ZNF600: variants seen among roughly 807,000 people sequenced by gnomAD.
ZNF600 encodes the protein zinc finger protein 600.
Under a neutral mutation model 7.3 loss-of-function variants are expected in ZNF600, and 4 were observed. That is an observed-to-expected ratio of 0.55 (90% CI 0.27 to 1.25). The LOEUF (loss-of-function observed/expected upper bound fraction) is 1.25, where lower values mean the gene tolerates loss of function less well. Among genes scored for constraint, ZNF600 ranks in the 50% most tolerant of loss-of-function variants. The probability of loss-of-function intolerance (pLI) is 0.12; values close to 1 mark genes in which losing one functional copy is unlikely to be tolerated. For missense variants in ZNF600, 911 were observed against 922.1 expected, an observed-to-expected ratio of 0.99 and a Z score of 0.16; for synonymous variants, 290 against 308.9, an observed-to-expected ratio of 0.94 and a Z score of 0.64.
At chr19:52,810,515 A>G in the ZNF600 span, 1 of 1,592,394 alleles carries the variant, frequency 6.3e-7, no homozygotes, top group Admixed American at 1.7e-5. Flanking sequence ...AAGGCAAATC[A>G]AGGTGATCCC....
At chr19:52,829,183 T>TTTTTATTTTATTTTATTTTA in the ZNF600 span, among the ~76,000 whole-genome samples, 1,086 of 91,686 alleles carry the variant, frequency 0.012, 27 homozygotes, top group East Asian at 0.092. Context: ...TTTTTTTCTT[T>TTTTTATTTTATTTTATTTTA]TTTTATTTTA....
chr19:52,786,780 GCGCC>G (rs1366754528), exon 1 of ZNF600: 2 of 291,008 alleles, frequency 6.9e-6, no homozygotes, highest in Admixed American at 6.4e-5. Context: ...GGGTTTGTGC[GCGCC>G]CAGGACTGAA....
chr19:52,818,215 C>T, the ZNF600 span, among the ~76,000 whole-genome samples: 3,187 of 152,246 alleles, frequency 0.021, 107 homozygotes, highest in African/African-American at 0.07. Context: ...CCCACACACA[C>T]GCTGCAGCAG....
the ZNF600 span, among the ~76,000 whole-genome samples, chr19:52,796,295 A>G: frequency 6.6e-6 from 1 of 152,142 alleles, no homozygotes; most frequent in Non-Finnish European, 1.5e-5. Flanking sequence ...TTGAGGCTGC[A>G]GTTTACTTTC....
Position 52,774,535 on chromosome 19 carries a change from G to C in ZNF600, c.190+40C>G, listed in dbSNP as rs201522201. 1.2e-5 allele frequency: 12 copies of C among 981,578 alleles called. No individual in the cohort carries two copies. In the East Asian group the frequency reaches 1.4e-3, roughly 113 times the overall value. The allele number at this position is 981,578 out of a possible 1,614,324, so 60.8% of individuals were successfully genotyped here. On this transcript the variant is annotated intron_variant, in intron 3 of 3. Coordinates refer to ENST00000648973, the Ensembl canonical transcript of ZNF600. ...AACCAGGAAGGGCCAAGATAGACAAGAGCAGACTCCTCATGTCTGGGGGAC... is the reference window on the plus strand; with the variant it reads ...AACCAGGAAGGGCCAAGATAGACAACAGCAGACTCCTCATGTCTGGGGGAC...
chr19:52,801,487 T>C, the ZNF600 span: 9 of 1,614,018 alleles, frequency 5.6e-6, no homozygotes, highest in Admixed American at 1.7e-5. Flanking sequence ...GTACTACCAG[T>C]CAACTCTTTG....
At chr19:52,783,653 A>C (rs907201060) in intron 1 of ZNF600, among the ~76,000 whole-genome samples, 1 of 151,954 alleles carries the variant, frequency 6.6e-6, no homozygotes, top group South Asian at 2.1e-4. Context: ...GAGCCACTGC[A>C]CCTGGCCTCC....
chr19:52,766,402 T>C (rs1423876233), exon 4 of ZNF600: 6 of 1,614,060 alleles, frequency 3.7e-6, no homozygotes, highest in Non-Finnish European at 5.1e-6. Flanking sequence ...GATCCACAAC[T>C]GAAAACCTTT....
chr19:52,783,360 T>G (rs560794514), intron 1 of ZNF600, among the ~76,000 whole-genome samples: 41 of 152,324 alleles, frequency 2.7e-4, no homozygotes, highest in African/African-American at 8.9e-4. Flanking sequence ...CCATCATTCC[T>G]TTTTTTGTTT....
chr19:52,809,846 T>TGGC, the ZNF600 span: 1 of 491,068 alleles, frequency 2.0e-6, no homozygotes, highest in South Asian at 2.3e-5. Flanking sequence ...GCGGTGGCGG[T>TGGC]GGTGGCAGTA....
intron 3 of ZNF600, among the ~76,000 whole-genome samples, chr19:52,772,255 C>G (rs1475337050): frequency 2.6e-5 from 4 of 151,958 alleles, no homozygotes; most frequent in African/African-American, 4.8e-5. Context: ...TTGCGGTGAG[C>G]TGAGATTGAA....
intron 3 of ZNF600, among the ~76,000 whole-genome samples, chr19:52,772,281 C>T (rs115668579): frequency 0.04 from 6,011 of 151,964 alleles, 369 homozygotes; most frequent in African/African-American, 0.13. Flanking sequence ...GTACTCCAGC[C>T]TGGGCAAGAA....
chr19:52,789,935 G>C (rs1298930089), upstream of ZNF600, among the ~76,000 whole-genome samples: 2 of 152,102 alleles, frequency 1.3e-5, no homozygotes, highest in Non-Finnish European at 2.9e-5. Flanking sequence ...GAAAACTACA[G>C]TCAAAGGGGG....
chr19:52,801,095 C>T, the ZNF600 span: 6 of 1,614,050 alleles, frequency 3.7e-6, no homozygotes, highest in Non-Finnish European at 5.1e-6. Context: ...GATTAAATAC[C>T]TTGCCATATA....
At chr19:52,777,621 G>A (rs1430796808) in intron 2 of ZNF600, among the ~76,000 whole-genome samples, 1 of 152,138 alleles carries the variant, frequency 6.6e-6, no homozygotes, top group African/African-American at 2.4e-5. Context: ...CATGAGGTCA[G>A]GAGTTCGAGA....
At chr19:52,804,342 C>T in the ZNF600 span, among the ~76,000 whole-genome samples, 1 of 152,254 alleles carries the variant, frequency 6.6e-6, no homozygotes, top group East Asian at 1.9e-4. Flanking sequence ...ATCACCCAGG[C>T]TGGAGTGTAG....
chr19:52,820,937 C>G, the ZNF600 span, among the ~76,000 whole-genome samples: 10 of 151,970 alleles, frequency 6.6e-5, no homozygotes, highest in South Asian at 2.1e-4. Flanking sequence ...TTGGCCCACA[C>G]GATCACACGA....
chr19:52,793,768 A>C, the ZNF600 span, among the ~76,000 whole-genome samples: 5 of 3,330 alleles, frequency 1.5e-3, no homozygotes, highest in African/African-American at 0.012. Context: ...ACTCTGCCAC[A>C]CACACACACA....
chr19:52,791,462 G>C (rs999964012), upstream of ZNF600, among the ~76,000 whole-genome samples: 1 of 152,218 alleles, frequency 6.6e-6, no homozygotes, highest in African/African-American at 2.4e-5. Flanking sequence ...AGAAATGAAA[G>C]AGACAGATTA....
Sources: gnomAD v4.1 joint callset for allele counts (sites outside exome capture counted in the v4.1 genomes callset) on GRCh38, gnomAD v4.1.1 for gene constraint, MANE v1.5 for transcripts, NCBI Gene and HGNC (gene_info 2026-07-23, HGNC 2026-07-21) for gene names.